Variants in PEAK1 observed in about 807,000 individuals in gnomAD.
PEAK1 encodes the protein pseudopodium enriched atypical kinase 1, also known as inactive tyrosine-protein kinase PEAK1.
PEAK1 carries 54 observed loss-of-function variants against 124.7 expected under a neutral mutation model. The observed-to-expected ratio is 0.43, with a 90% CI of 0.35 to 0.54. PEAK1 has a LOEUF of 0.54. Ranked by LOEUF, PEAK1 falls within the 20% of genes least tolerant of loss-of-function variation. PEAK1 has a pLI of 0.01. For synonymous variants in PEAK1, 719 were observed against 760.0 expected (o/e 0.95, Z 0.89); for missense variants, 2,046 against 2,134.5 (o/e 0.96, Z 0.82).
intron 1 of PEAK1, among the ~76,000 whole-genome samples, chr15:77,414,797 T>C (rs1262650898): frequency 1.3e-5 from 2 of 152,282 alleles, no homozygotes; most frequent in Non-Finnish European, 2.9e-5. Flanking sequence ...GCTCTTCATT[T>C]GCTCTACAGC....
chr15:77,396,835 T>A (rs1024234213), intron 1 of PEAK1, among the ~76,000 whole-genome samples: 1 of 151,332 alleles, frequency 6.6e-6, no homozygotes, highest in Admixed American at 6.6e-5. Context: ...AAAAGTAGAG[T>A]TAAAGAGAGA....
Position 77,158,660 on chromosome 15 carries a change from A to G in PEAK1, c.3174T>C (p.Pro1058=). 1 of 1,614,166 alleles carries G rather than the reference A, an allele frequency of 6.2e-7. No individual in the cohort carries two copies. The highest frequency in any genetic ancestry group is 1.3e-5 in the African/African-American group (1 of 75,064). Reference sequence around the variant, plus strand: ...TCCCAACAACAGTTCTTGGATCCCGAGGAGAAAAATCCTCTGTTACTTCAT... The same window carrying G: ...TCCCAACAACAGTTCTTGGATCCCGGGGAGAAAAATCCTCTGTTACTTCAT... ...MTHEVTEDFS[P]RDPRTVVGKQ... is the part of the protein sequence containing the mutation. Residue 1058 remains proline (P), a synonymous_variant, in exon 8 of 10, where the codon CCT becomes CCC. Coordinates refer to ENST00000682557, the MANE Select transcript of PEAK1 (RefSeq NM_001385026.1).
In PEAK1 at chr15:77,133,202, G is replaced by A. The variant is rs1369814619; in HGVS notation, c.3880C>T (p.His1294Tyr). The A allele has an allele frequency of 3.1e-6, 5 of 1,614,218 alleles. No homozygotes were observed. In the South Asian group the frequency reaches 5.5e-5, roughly 18 times the overall value. ...EEVVGKIRSLHTDALKKLAVK... is the reference protein window; with the variant it reads ...EEVVGKIRSLYTDALKKLAVK... The stretch of plus-strand genomic sequence containing the variant: ...GCCAGTTTCTTCAAGGCATCTGTAT[G>A]AAGGCTTCGGATTTTACCCACTACT... Residue 1294 changes from histidine to tyrosine, a missense_variant, in exon 9 of 10, where the codon CAT becomes TAT. His to Tyr is a moderately conservative substitution (Grantham distance 83, BLOSUM62 2). Coordinates refer to ENST00000682557, the MANE Select transcript of PEAK1 (RefSeq NM_001385026.1). The surrounding 1 kb of genome is among the most constrained non-coding windows in gnomAD (Gnocchi z 4.2).
intron 1 of PEAK1, chr15:77,417,659 T>A (rs1283879330): frequency 1.0e-6 from 1 of 985,258 alleles, no homozygotes; most frequent in Non-Finnish European, 1.2e-6. Context: ...AACAAAAGGG[T>A]ATGATTTGGC....
chr15:77,314,473 G>C (rs1397907172), intron 2 of PEAK1, among the ~76,000 whole-genome samples: 2 of 151,902 alleles, frequency 1.3e-5, no homozygotes, highest in African/African-American at 4.8e-5. Flanking sequence ...GGGTTCAAGC[G>C]ATTCTCCTGC....
intron 7 of PEAK1, among the ~76,000 whole-genome samples, chr15:77,171,865 G>C (rs1567060712): frequency 1.3e-5 from 2 of 152,010 alleles, no homozygotes; most frequent in Admixed American, 6.6e-5. Context: ...CCAGTAAATA[G>C]TACCTAAATA....
chr15:77,350,652 C>T (rs2067154020), intron 2 of PEAK1: 9 of 983,852 alleles, frequency 9.1e-6, no homozygotes, highest in Non-Finnish European at 1.1e-5. Flanking sequence ...GACATAGCAT[C>T]ACTACAGATC....
intron 6 of PEAK1, among the ~76,000 whole-genome samples, chr15:77,207,978 G>A (rs966315990): frequency 2.0e-5 from 3 of 152,096 alleles, no homozygotes; most frequent in Admixed American, 6.6e-5. Flanking sequence ...GGCTAAAAAC[G>A]GATCCATGCT....
intron 1 of PEAK1, among the ~76,000 whole-genome samples, chr15:77,383,584 C>A (rs979899334): frequency 2.0e-5 from 3 of 152,156 alleles, no homozygotes; most frequent in African/African-American, 7.2e-5. Flanking sequence ...AAACAAAAAG[C>A]AAGCTTTGAG....
intron 2 of PEAK1, among the ~76,000 whole-genome samples, chr15:77,298,068 A>G (rs1043351863): frequency 7.5e-6 from 1 of 133,908 alleles, no homozygotes; most frequent in African/African-American, 3.1e-5. Flanking sequence ...CCGTCTCAAA[A>G]AAAAAAAAAA....
rs555164330 is a variant in PEAK1 at position 77,289,976 on chromosome 15, CT to C, written c.-602-3473del. On this transcript the variant is annotated intron_variant, in intron 2 of 9. Transcript: ENST00000682557. ...AGAAAAAGATGCTGTTATAATTACT[CT>C]TTTTTTTTTGAGACGGAGTCTCATT... Among the ~76,000 whole-genome samples the C allele has an allele frequency of 1.6e-3, 242 of 149,888 alleles. 1 individual carries two copies. Among genetic ancestry groups the C allele is most frequent in the African/African-American group, 5.3e-3 (218 of 40,932 alleles).
In PEAK1 at chr15:77,115,293, A is replaced by G; in HGVS notation, c.4104T>C (p.Ser1368=). The change falls in exon 10 of 10, where the codon TCT becomes TCC. Residue 1368 remains serine, a synonymous_variant. Transcript: ENST00000682557. ...CAGCCAAGCTGTGATAATACTGCTGAGATTCTTTAGCTTTGCTCTTACAGA... is the reference window on the plus strand; with the variant it reads ...CAGCCAAGCTGTGATAATACTGCTGGGATTCTTTAGCTTTGCTCTTACAGA... ...VKICKSKAKE[S]QQYYHSLAVR... 6.2e-7 allele frequency: 1 copy of G among 1,613,600 alleles called. No homozygotes were observed. The highest frequency in any genetic ancestry group is 1.3e-5 in the African/African-American group (1 of 75,054).
intron 2 of PEAK1, among the ~76,000 whole-genome samples, chr15:77,362,134 T>C (rs1218292107): frequency 6.6e-6 from 1 of 152,142 alleles, no homozygotes; most frequent in Non-Finnish European, 1.5e-5. Flanking sequence ...TTAACAGTAA[T>C]ATGTAGTTTC....
Position 77,110,814 on chromosome 15 carries a change from T to C in PEAK1, c.*3342A>G, listed in dbSNP as rs1283008633. ...GACTCTTTTTCTCATCCTGCTGTTA[T>C]TCTTCATGAATTGGCTTCTAGGCAA... On this transcript the variant is annotated 3_prime_UTR_variant, in exon 10 of 10. Transcript: ENST00000682557. The C allele has an allele frequency of 6.6e-6, 1 of 152,260 alleles. No individual in the cohort carries two copies. Among genetic ancestry groups the C allele is most frequent in the Non-Finnish European group, 1.5e-5 (1 of 68,060 alleles). 9.4% of individuals were successfully genotyped at this position (152,260 alleles called of 1,614,324 possible).
At chr15:77,366,761 T>C (rs1182242574) in intron 1 of PEAK1, among the ~76,000 whole-genome samples, 2 of 152,154 alleles carry the variant, frequency 1.3e-5, no homozygotes, top group South Asian at 2.1e-4. Flanking sequence ...TTTTGCCATG[T>C]TGTCCACGAA....
intron 9 of PEAK1, among the ~76,000 whole-genome samples, chr15:77,117,897 C>G (rs1420746564): frequency 6.6e-6 from 1 of 152,198 alleles, no homozygotes; most frequent in African/African-American, 2.4e-5. Context: ...TTCACACAGA[C>G]ACACACATTT....
chr15:77,386,653 C>CA (rs1457624250), intron 1 of PEAK1, among the ~76,000 whole-genome samples: 1 of 152,088 alleles, frequency 6.6e-6, no homozygotes, highest in East Asian at 1.9e-4. Context: ...ATGAGAGACT[C>CA]AGAGATAGAA....
intron 5 of PEAK1, among the ~76,000 whole-genome samples, chr15:77,264,796 A>C (rs1463812458): frequency 1.3e-5 from 2 of 152,040 alleles, no homozygotes; most frequent in Non-Finnish European, 2.9e-5. Flanking sequence ...CGCATCGCCA[A>C]GTCAATCCTA....
At chr15:77,230,954 TA>T (rs1236361657) in intron 6 of PEAK1, among the ~76,000 whole-genome samples, 1 of 152,106 alleles carries the variant, frequency 6.6e-6, no homozygotes, top group African/African-American at 2.4e-5. Flanking sequence ...GGGGATAATA[TA>T]CACATCTAAA....
Sources: gnomAD v4.1 joint callset for allele counts (sites outside exome capture counted in the v4.1 genomes callset) on GRCh38, gnomAD v4.1.1 for gene constraint, Gnocchi (gnomAD v3.1) non-coding constraint, MANE v1.5 for transcripts, NCBI Gene and HGNC (gene_info 2026-07-23, HGNC 2026-07-21) for gene names.